Variants in DEPDC5 observed in about 807,000 individuals in gnomAD.
DEPDC5 encodes the protein GATOR1 complex protein DEPDC5.
DEPDC5 carries 73 observed loss-of-function variants against 217.3 expected under a neutral mutation model. The ratio of observed to expected loss-of-function variants is 0.34; its 90% CI spans 0.28 to 0.41. The LOEUF (loss-of-function observed/expected upper bound fraction) is 0.41, where lower values mean the gene tolerates loss of function less well. DEPDC5 is among the 10% of genes least tolerant of loss of function. The probability of loss-of-function intolerance (pLI) is 1.00; values close to 1 mark genes in which losing one functional copy is unlikely to be tolerated. For missense variants in DEPDC5, 1,675 were observed against 2,070.1 expected (o/e 0.81, Z 3.70); for synonymous variants, 733 against 756.7 (o/e 0.97, Z 0.51).
Position 31,854,184 on chromosome 22 carries a change from C to T in DEPDC5, c.3156-3261C>T, listed in dbSNP as rs201072779. The stretch of plus-strand genomic sequence containing the variant: ...TACCTGGTGGTTTTGTGGCAGTCCC[C>T]TCTTCCTGAGCCATTAGAAGAAGAG... On this transcript the variant is annotated intron_variant, in intron 31 of 42. Transcript: ENST00000651528. 2.2e-4 allele frequency among the ~76,000 whole-genome samples: 34 copies of T among 152,318 alleles called. No homozygotes were observed. The East Asian group carries it at 5.2e-3, about 23-fold the overall frequency.
intron 15 of DEPDC5, among the ~76,000 whole-genome samples, chr22:31,803,832 T>A (rs2087163903): frequency 6.6e-6 from 1 of 152,168 alleles, no homozygotes; most frequent in Admixed American, 6.5e-5. Flanking sequence ...TTTACTGAGA[T>A]ATTACAAAGT....
intron 7 of DEPDC5, among the ~76,000 whole-genome samples, chr22:31,774,686 C>CA (rs199526129): frequency 0.011 from 1,651 of 151,126 alleles, 29 homozygotes; most frequent in African/African-American, 0.037. Context: ...ACTGAAAATA[C>CA]AAAAAAATTA....
intron 12 of DEPDC5, among the ~76,000 whole-genome samples, chr22:31,795,896 G>C (rs1408354778): frequency 1.3e-5 from 2 of 150,412 alleles, no homozygotes; most frequent in South Asian, 4.2e-4. Context: ...ACACCTGGCT[G>C]ATTTTGTATT....
chr22:31,836,868 T>C, intron 25 of DEPDC5, 104 bp from the exon 26 acceptor site: 2 of 1,123,288 alleles, frequency 1.8e-6, no homozygotes, highest in Non-Finnish European at 2.6e-6. Context: ...TCTTTCACCC[T>C]GAACTTTTTT....
intron 40 of DEPDC5, among the ~76,000 whole-genome samples, chr22:31,899,660 G>C (rs574263605): frequency 5.9e-5 from 9 of 152,304 alleles, no homozygotes; most frequent in African/African-American, 2.2e-4. Flanking sequence ...CCAAAGTTCT[G>C]GGATTACAGG....
chr22:31,866,262 C>T (rs556140016), intron 33 of DEPDC5, among the ~76,000 whole-genome samples: 16 of 151,946 alleles, frequency 1.1e-4, no homozygotes, highest in South Asian at 2.1e-4. Flanking sequence ...TAATCAAACG[C>T]CAGACTTGGA....
rs55645350 is a variant in DEPDC5 at position 31,833,991 on chromosome 22, G to A, written c.2170+11G>A. 158,965 of 1,612,072 alleles carry A rather than the reference G, an allele frequency of 0.099. 8,457 individuals carry two copies. The highest frequency in any genetic ancestry group is 0.17 in the Admixed American group (10,278 of 60,004). On this transcript the variant is annotated intron_variant, in intron 25 of 42. Coordinates refer to ENST00000651528, the MANE Select transcript of DEPDC5 (RefSeq NM_001242896.3). ...CCTCTCCAGACCCAAGTAAGAGGGG[G>A]CAGCTGACTGGGGAAAGGGGTAGAC...
At chr22:31,790,834 C>T (rs1055315511) in intron 10 of DEPDC5, among the ~76,000 whole-genome samples, 1 of 151,412 alleles carries the variant, frequency 6.6e-6, no homozygotes, top group Non-Finnish European at 1.5e-5. Context: ...GCAGTCTCCA[C>T]CCCCTGGGTT....
At chr22:31,898,344 C>T (rs1265170789) in intron 40 of DEPDC5, among the ~76,000 whole-genome samples, 1 of 152,174 alleles carries the variant, frequency 6.6e-6, no homozygotes, top group African/African-American at 2.4e-5. Flanking sequence ...ACGAGCTGAG[C>T]TGTACTTGAC....
At position 31,815,777 on chromosome 22, in the gene DEPDC5, C is replaced by T. The variant is rs2089025910; in HGVS notation, c.1666+565C>T. 2.4e-6 allele frequency: 3 copies of T among 1,226,292 alleles called. No individual in the cohort carries two copies. In the African/African-American group the frequency reaches 4.7e-5, roughly 19 times the overall value. The allele number at this position is 1,226,292 out of a possible 1,614,324, so 76.0% of individuals were successfully genotyped here. A position where few individuals can be genotyped will look rare whatever the true frequency, so the allele number is the denominator to read the frequency against. ...AACTCCTGGACTCGAGGGATCCACC[C>T]ATTGGCCTCCAAAAGTGCTGAGATT... On this transcript the variant is annotated intron_variant, in intron 21 of 42. Transcript: ENST00000651528.
At chr22:31,766,897 C>T (rs2082864485) in intron 6 of DEPDC5, among the ~76,000 whole-genome samples, 1 of 152,106 alleles carries the variant, frequency 6.6e-6, no homozygotes, top group Non-Finnish European at 1.5e-5. Flanking sequence ...GGAAGTTATA[C>T]TGTATTTTAC....
intron 23 of DEPDC5, among the ~76,000 whole-genome samples, chr22:31,822,350 AG>A (rs1181802131): frequency 6.6e-6 from 1 of 152,194 alleles, no homozygotes; most frequent in Non-Finnish European, 1.5e-5. Context: ...AGATGAACTC[AG>A]GTCCATATAT....
At chr22:31,835,476 C>T (rs2090924981) in intron 25 of DEPDC5, among the ~76,000 whole-genome samples, 2 of 152,288 alleles carry the variant, frequency 1.3e-5, no homozygotes, top group East Asian at 1.9e-4. Flanking sequence ...CATGAGATCT[C>T]GAACTAAGCA....
intron 23 of DEPDC5, 113 bp downstream of exon 23, chr22:31,821,750 G>A (rs2089719619): frequency 3.4e-6 from 5 of 1,472,652 alleles, no homozygotes; most frequent in Non-Finnish European, 4.6e-6. Context: ...TGAAAAGACA[G>A]TATGAGGTCA....
intron 10 of DEPDC5, among the ~76,000 whole-genome samples, chr22:31,790,745 T>G (rs571202003): frequency 3.4e-5 from 5 of 145,082 alleles, no homozygotes; most frequent in African/African-American, 1.4e-4. Flanking sequence ...CTTTTTTTTT[T>G]TCTTTTTTTT....
Position 31,843,755 on chromosome 22 carries a change from A to T in DEPDC5, c.2744A>T (p.Glu915Val). Residue 915 changes from glutamate to valine, a missense_variant, in exon 29 of 43, where the codon GAG (glutamate) becomes GTG (valine). Glu to Val is a moderately radical substitution (Grantham distance 121). Transcript: ENST00000651528. ...WVEFSHERLE[E>V]YKWNYLDQYI... ...GAATTCTCCCACGAACGGCTGGAGG[A>T]GTACAAGTGGAATTACTTAGATCAG... is the stretch of plus-strand genomic sequence containing the variant. The T allele has an allele frequency of 1.9e-6, 3 of 1,613,974 alleles. No homozygotes were observed. The highest frequency in any genetic ancestry group is 2.5e-6 in the Non-Finnish European group (3 of 1,179,948).
At chr22:31,836,902 TC>T in intron 25 of DEPDC5, 69 bp from the exon 26 acceptor site, 1 of 546,850 alleles carries the variant, frequency 1.8e-6, no homozygotes, top group Non-Finnish European at 3.4e-6. Flanking sequence ...TCCCCTTCCC[TC>T]CCCTGGCCCC....
rs1345423947 is a variant in DEPDC5 at position 31,857,568 on chromosome 22, G to A, written c.3264+15G>A. The A allele has an allele frequency of 5.0e-6, 8 of 1,593,284 alleles. No homozygotes were observed. The highest frequency in any genetic ancestry group is 1.1e-5 in the South Asian group (1 of 88,016). ...GCCCACGAAAGGTAAAGGAAGCCGC[G>A]GTAGCAGGGAGCTGTTCTGTGCTCT... On this transcript the variant is annotated intron_variant, in intron 32 of 42. Transcript: ENST00000651528.
In DEPDC5 at chr22:31,885,252, C is replaced by G. The variant is rs5994445; in HGVS notation, c.4033+5500C>G. ...AGGATGTGGTCCCCTCATTCTCTGCCTTGTCCCCTGTCCGCCTCCTATGTA... is the reference window on the plus strand; with the variant it reads ...AGGATGTGGTCCCCTCATTCTCTGCGTTGTCCCCTGTCCGCCTCCTATGTA... On this transcript the variant is annotated intron_variant, in intron 38 of 42. Transcript: ENST00000651528. Among the ~76,000 whole-genome samples, 382 of 152,332 alleles carry G rather than the reference C, an allele frequency of 2.5e-3. 4 individuals carry two copies. The highest frequency in any genetic ancestry group is 8.5e-3 in the African/African-American group (353 of 41,576).
Sources: gnomAD v4.1 joint callset for allele counts (sites outside exome capture counted in the v4.1 genomes callset) on GRCh38, gnomAD v4.1.1 for gene constraint, MANE v1.5 for transcripts, NCBI Gene and HGNC (gene_info 2026-07-23, HGNC 2026-07-21) for gene names.